RFC3: variants seen among roughly 807,000 people sequenced by gnomAD.
RFC3 encodes the protein replication factor C subunit 3, also known as A1 38 kDa subunit.
RFC3 carries 41 observed loss-of-function variants against 45.1 expected under a neutral mutation model. The ratio of observed to expected loss-of-function variants is 0.91; its 90% confidence interval spans 0.71 to 1.18. RFC3 has a LOEUF of 1.18. Ranked by LOEUF, RFC3 falls within the 50% of genes most tolerant of loss-of-function variation. The probability of loss-of-function intolerance (pLI) is 0.00; values close to 1 mark genes in which losing one functional copy is unlikely to be tolerated. For missense variants in RFC3, 423 were observed against 428.1 expected (o/e 0.99, Z 0.10); for synonymous variants, 149 against 144.0 (o/e 1.03, Z -0.25).
intron 8 of RFC3, among the ~76,000 whole-genome samples, chr13:33,916,855 A>G (rs1460346544): frequency 6.6e-6 from 1 of 151,730 alleles, no homozygotes; most frequent in African/African-American, 2.4e-5. Context: ...AAATGTTTTT[A>G]ATTACATTTG....
rs1331293216 is a variant in RFC3, at chr13:33,830,637, A to G, written c.574-82A>G. 3 of 1,105,200 alleles carry G rather than the reference A, an allele frequency of 2.7e-6. No homozygotes were observed. In the East Asian group the frequency reaches 7.4e-5, roughly 27 times the overall value. The allele number at this position is 1,105,200 out of a possible 1,614,324, so 68.5% of individuals were successfully genotyped here. ...AGAATTTTGAGAGTAATACAGTTAT[A>G]AGGGTCTAGGAGGATATCAACAGAA... On this transcript the variant is annotated intron_variant, in intron 5 of 8. Coordinates refer to ENST00000380071, the MANE Select transcript of RFC3 (RefSeq NM_002915.4).
the RFC3 span, among the ~76,000 whole-genome samples, chr13:33,976,357 T>C: frequency 6.6e-6 from 1 of 152,108 alleles, no homozygotes; most frequent in Non-Finnish European, 1.5e-5. Context: ...CTCATTCATA[T>C]GTGGAAGTGG....
chr13:33,859,738 C>T lies in RFC3; in HGVS notation c.879+24521C>T, dbSNP rs193255213. Among the ~76,000 whole-genome samples, 65 of 152,242 alleles carry T rather than the reference C, an allele frequency of 4.3e-4. 1 individual carries two copies. Among genetic ancestry groups the T allele is most frequent in the Admixed American group, 4.2e-3 (64 of 15,288 alleles). ...TAAAAAATAAAGTTGCCATCCCATA[C>T]GTAATGGTGGATAAATGACTCACTT... On this transcript the variant is annotated intron_variant, in intron 8 of 8. Coordinates refer to the RFC3 transcript ENST00000434425.
chr13:33,936,555 A>G (rs1225735721), intron 8 of RFC3, among the ~76,000 whole-genome samples: 1 of 152,154 alleles, frequency 6.6e-6, no homozygotes, highest in East Asian at 1.9e-4. Context: ...ATTTGTCCAT[A>G]GAGTTGGAAG....
intron 8 of RFC3, among the ~76,000 whole-genome samples, chr13:33,873,607 C>T (rs1593656086): frequency 6.6e-6 from 1 of 152,158 alleles, no homozygotes; most frequent in African/African-American, 2.4e-5. Context: ...TGCAAAGGGA[C>T]ATGAAAGCAG....
intron 8 of RFC3, among the ~76,000 whole-genome samples, chr13:33,957,520 T>C (rs1369449559): frequency 2.0e-5 from 3 of 152,180 alleles, no homozygotes; most frequent in Non-Finnish European, 4.4e-5. Flanking sequence ...TACTGAATAT[T>C]CTACAAATGT....
At chr13:33,949,083 GT>G (rs577819634) in intron 8 of RFC3, among the ~76,000 whole-genome samples, 37 of 152,232 alleles carry the variant, frequency 2.4e-4, no homozygotes, top group African/African-American at 8.2e-4. Flanking sequence ...TCATCTCTGT[GT>G]CCCCATCCAA....
chr13:33,863,926 A>G (rs2082357485), intron 8 of RFC3, among the ~76,000 whole-genome samples: 3 of 152,070 alleles, frequency 2.0e-5, no homozygotes, highest in African/African-American at 7.2e-5. Context: ...TATTTAGTCC[A>G]TTTGCACTGC....
At chr13:33,866,497 C>T (rs2082374546) in intron 8 of RFC3, among the ~76,000 whole-genome samples, 1 of 152,040 alleles carries the variant, frequency 6.6e-6, no homozygotes, top group Admixed American at 6.5e-5. Context: ...GAAATAAAAC[C>T]ATCTCTAGGT....
chr13:33,860,240 T>C (rs1407450102), intron 8 of RFC3, among the ~76,000 whole-genome samples: 1 of 152,080 alleles, frequency 6.6e-6, no homozygotes, highest in Non-Finnish European at 1.5e-5. Flanking sequence ...GCACTTTTTT[T>C]TTTTTCTTTT....
At chr13:33,877,758 C>G (rs904933837) in intron 8 of RFC3, among the ~76,000 whole-genome samples, 1 of 145,098 alleles carries the variant, frequency 6.9e-6, no homozygotes, top group Non-Finnish European at 1.5e-5. Context: ...TTTTAAATTC[C>G]GAGATTAAAA....
intron 8 of RFC3, among the ~76,000 whole-genome samples, chr13:33,932,405 G>A (rs1566033667): frequency 6.6e-6 from 1 of 152,188 alleles, no homozygotes; most frequent in East Asian, 1.9e-4. Context: ...GGGAAGAATT[G>A]ATATCTTTTA....
chr13:33,877,034 T>G (rs1312472284), intron 8 of RFC3, among the ~76,000 whole-genome samples: 1 of 152,244 alleles, frequency 6.6e-6, no homozygotes, highest in African/African-American at 2.4e-5. Context: ...GGAGGCAAGA[T>G]AACAGCTGAA....
chr13:33,878,188 T>G (rs1168187186), intron 8 of RFC3, among the ~76,000 whole-genome samples: 1 of 152,228 alleles, frequency 6.6e-6, no homozygotes, highest in African/African-American at 2.4e-5. Flanking sequence ...ACTAGAACTT[T>G]TTGATATCAA....
chr13:33,887,351 A>G (rs1469210194), intron 8 of RFC3, among the ~76,000 whole-genome samples: 1 of 151,342 alleles, frequency 6.6e-6, no homozygotes, highest in Non-Finnish European at 1.5e-5. Context: ...ATGGTATCTC[A>G]TTGTGGTTTT....
chr13:33,896,187 A>ATG (rs1409413699), intron 8 of RFC3, among the ~76,000 whole-genome samples: 1 of 151,358 alleles, frequency 6.6e-6, no homozygotes, highest in African/African-American at 2.4e-5. Flanking sequence ...ATGTATATAT[A>ATG]TAATTTTAAA....
intron 8 of RFC3, among the ~76,000 whole-genome samples, chr13:33,949,068 A>G (rs1427886176): frequency 6.6e-6 from 1 of 152,124 alleles, no homozygotes; most frequent in African/African-American, 2.4e-5. Flanking sequence ...GTGGAATGAT[A>G]TGGTTCATCT....
chr13:33,888,037 T>C (rs1214514122), intron 8 of RFC3, among the ~76,000 whole-genome samples: 3 of 152,236 alleles, frequency 2.0e-5, no homozygotes, highest in Admixed American at 6.5e-5. Flanking sequence ...TGTAGCCTTG[T>C]AGTATAGTTT....
At chr13:33,825,373 TG>T (rs1175085308) in intron 3 of RFC3, among the ~76,000 whole-genome samples, 1 of 152,144 alleles carries the variant, frequency 6.6e-6, no homozygotes, top group Admixed American at 6.5e-5. Context: ...TTTGCTATTT[TG>T]GGGATGTGGA....
Sources: allele counts gnomAD v4.1 joint callset (sites outside exome capture counted in the v4.1 genomes callset), GRCh38; gene constraint gnomAD v4.1.1; transcripts MANE v1.5; gene names NCBI Gene and HGNC (gene_info 2026-07-23, HGNC 2026-07-21).